CSMD1: variants seen among roughly 807,000 people sequenced by gnomAD.
CSMD1 encodes CUB and Sushi multiple domains 1, also known as CUB and sushi domain-containing protein 1.
Under a neutral mutation model 417.5 loss-of-function variants are expected in CSMD1, and 213 were observed. The observed-to-expected ratio is 0.51, with a 90% confidence interval of 0.46 to 0.57. CSMD1 has a LOEUF of 0.57. Ranked by LOEUF, CSMD1 falls within the 20% of genes least tolerant of loss-of-function variation. The pLI, the probability that CSMD1 is intolerant of heterozygous loss-of-function variation, is 0.00. For missense variants in CSMD1, 6,923 were observed against 4,529.7 expected (o/e 1.53, Z -15.17); for synonymous variants, 2,862 against 1,736.8 (o/e 1.65, Z -16.11).
At chr8:3,998,513 G>T (rs1213525117) in intron 4 of CSMD1, among the ~76,000 whole-genome samples, 1 of 152,174 alleles carries the variant, frequency 6.6e-6, no homozygotes, top group Non-Finnish European at 1.5e-5. Context: ...ACCTGGCTTT[G>T]AGAATACTGT....
chr8:4,950,140 T>C (rs1300662564), intron 1 of CSMD1, among the ~76,000 whole-genome samples: 1 of 152,182 alleles, frequency 6.6e-6, no homozygotes, highest in Non-Finnish European at 1.5e-5. Flanking sequence ...TATATGTCTA[T>C]GTTCCCATGT....
intron 10 of CSMD1, among the ~76,000 whole-genome samples, chr8:3,497,447 C>A (rs564430907): frequency 9.8e-4 from 149 of 152,228 alleles, no homozygotes; most frequent in African/African-American, 3.2e-3. Flanking sequence ...TGCTCTGTCA[C>A]CCAGGCTGGA....
intron 4 of CSMD1, among the ~76,000 whole-genome samples, chr8:4,014,292 C>T (rs534195174): frequency 3.3e-5 from 5 of 152,244 alleles, no homozygotes; most frequent in South Asian, 4.1e-4. Flanking sequence ...TATGGCATTG[C>T]GTGTCGAAGT....
intron 5 of CSMD1, among the ~76,000 whole-genome samples, chr8:3,915,970 A>G (rs1808794759): frequency 6.6e-6 from 1 of 151,616 alleles, no homozygotes; most frequent in South Asian, 2.1e-4. Flanking sequence ...GACTGGAAGC[A>G]TTTGAGTGAG....
At chr8:3,316,559 G>C (rs893239707) in intron 23 of CSMD1, among the ~76,000 whole-genome samples, 3 of 152,156 alleles carry the variant, frequency 2.0e-5, no homozygotes, top group Non-Finnish European at 4.4e-5. Flanking sequence ...CAGGTCTAGG[G>C]GCCTCCTGGA....
intron 1 of CSMD1, among the ~76,000 whole-genome samples, chr8:4,890,401 G>T (rs1475635697): frequency 1.3e-5 from 2 of 152,022 alleles, no homozygotes; most frequent in Non-Finnish European, 2.9e-5. Flanking sequence ...GGCATCCTGG[G>T]CAAGACAGGT....
intron 18 of CSMD1, among the ~76,000 whole-genome samples, chr8:3,384,719 T>TG (rs1810869502): frequency 1.6e-5 from 1 of 61,364 alleles, no homozygotes; most frequent in African/African-American, 7.8e-5. Flanking sequence ...AATATATTTA[T>TG]AATATTTATA....
At chr8:4,871,460 A>T (rs1802734872) in intron 1 of CSMD1, among the ~76,000 whole-genome samples, 1 of 152,112 alleles carries the variant, frequency 6.6e-6, no homozygotes, top group Non-Finnish European at 1.5e-5. Context: ...ACATAAAGAA[A>T]GATGCGTGTG....
Position 4,137,454 on chromosome 8 carries a change from G to C in CSMD1, c.416-105355C>G, listed in dbSNP as rs552092334. On this transcript the variant is annotated intron_variant, in intron 3 of 69. Coordinates refer to ENST00000635120, the MANE Select transcript of CSMD1 (RefSeq NM_033225.6). Reference sequence around the variant, plus strand: ...AAATTAAATATATTGTCAAAATAGAGAGTATTTTAAAAGGTAATTTTCACT... The same window carrying C: ...AAATTAAATATATTGTCAAAATAGACAGTATTTTAAAAGGTAATTTTCACT... Among the ~76,000 whole-genome samples the C allele has an allele frequency of 1.2e-4, 11 of 95,360 alleles. 2 individuals carry two copies. In the South Asian group the frequency reaches 1.8e-3, roughly 16 times the overall value. 62.6% of individuals were successfully genotyped at this position (95,360 alleles called of 152,430 possible). A position where few individuals can be genotyped will look rare whatever the true frequency, so the allele number is the denominator to read the frequency against.
At chr8:3,262,365 A>G (rs1801144343) in intron 26 of CSMD1, among the ~76,000 whole-genome samples, 1 of 151,326 alleles carries the variant, frequency 6.6e-6, no homozygotes, top group African/African-American at 2.4e-5. Context: ...CTCCTGACAA[A>G]TATTGGTAAA....
chr8:3,811,816 C>T (rs116753878), intron 5 of CSMD1, among the ~76,000 whole-genome samples: 1,968 of 152,302 alleles, frequency 0.013, 50 homozygotes, highest in African/African-American at 0.045. Context: ...GCTTCAGCAA[C>T]TTTAAGGGTG....
intron 3 of CSMD1, among the ~76,000 whole-genome samples, chr8:4,263,222 G>A (rs550326077): frequency 2.4e-4 from 36 of 152,164 alleles, no homozygotes; most frequent in African/African-American, 8.2e-4. Context: ...CTAAAGGCTA[G>A]GCTGTTGGGT....
chr8:4,041,284 G>T (rs11136695), intron 3 of CSMD1, among the ~76,000 whole-genome samples: 143,026 of 152,074 alleles, frequency 0.94, 67,353 homozygotes, highest in East Asian at 0.99. Context: ...CCCAAAGTAC[G>T]GGGATTACAT....
At chr8:4,283,725 C>G (rs1242992466) in intron 3 of CSMD1, among the ~76,000 whole-genome samples, 1 of 152,034 alleles carries the variant, frequency 6.6e-6, no homozygotes, top group African/African-American at 2.4e-5. Context: ...CTTTTTAACT[C>G]CTCAAGGAAT....
chr8:4,295,032 A>G (rs928090809), intron 3 of CSMD1, among the ~76,000 whole-genome samples: 1 of 148,800 alleles, frequency 6.7e-6, no homozygotes, highest in African/African-American at 2.5e-5. Context: ...ATATACATAT[A>G]ATATATGTAT....
At chr8:4,853,891 G>T (rs1265206988) in intron 1 of CSMD1, among the ~76,000 whole-genome samples, 1 of 152,070 alleles carries the variant, frequency 6.6e-6, no homozygotes. Flanking sequence ...ATAATTTTGG[G>T]GATTTAAGAT....
intron 5 of CSMD1, among the ~76,000 whole-genome samples, chr8:3,810,409 C>T (rs1054808393): frequency 6.6e-6 from 1 of 152,022 alleles, no homozygotes; most frequent in Admixed American, 6.6e-5. Context: ...GAGCTAAGTC[C>T]AAGTGTTTTC....
chr8:3,051,542 T>A (rs148366414), intron 50 of CSMD1, among the ~76,000 whole-genome samples: 6 of 152,160 alleles, frequency 3.9e-5, no homozygotes, highest in African/African-American at 1.4e-4. Flanking sequence ...CAAACCCCTG[T>A]GACACGTAGT....
chr8:4,217,758 G>C (rs1184145915), intron 3 of CSMD1, among the ~76,000 whole-genome samples: 5 of 152,104 alleles, frequency 3.3e-5, no homozygotes, highest in Non-Finnish European at 7.4e-5. Context: ...TAGGATACTG[G>C]AACATTTAGG....
Sources: allele counts gnomAD v4.1 joint callset (sites outside exome capture counted in the v4.1 genomes callset), GRCh38; gene constraint gnomAD v4.1.1; transcripts MANE v1.5; gene names NCBI Gene and HGNC (gene_info 2026-07-23, HGNC 2026-07-21).